Variants in NRG1 observed in about 807,000 individuals in gnomAD.
NRG1 encodes the protein neuregulin 1.
Under a neutral mutation model 63.8 loss-of-function variants are expected in NRG1, and 18 were observed. The observed-to-expected ratio is 0.28, with a 90% CI of 0.19 to 0.42. The LOEUF (loss-of-function observed/expected upper bound fraction) is 0.42, where lower values mean the gene tolerates loss of function less well. NRG1 is among the 10% of genes least tolerant of loss of function. The pLI is 1.00. For missense variants in NRG1, 762 were observed against 814.7 expected, an observed-to-expected ratio of 0.94 and a Z score of 0.79; for synonymous variants, 302 against 301.3, an observed-to-expected ratio of 1.00 and a Z score of -0.02.
In NRG1 at chr8:31,656,663, TTAAG is replaced by T. The variant is rs537591496; in HGVS notation, c.37+17234_37+17237del. Among the ~76,000 whole-genome samples, 200 of 152,284 alleles carry T rather than the reference TTAAG, an allele frequency of 1.3e-3. 1 individual carries two copies. The highest frequency in any genetic ancestry group is 2.4e-3 in the Non-Finnish European group (163 of 68,036). On this transcript the variant is annotated intron_variant, in intron 1 of 10. Coordinates refer to the NRG1 transcript ENST00000519301. ...ATTTTCAAAAAATCATCAAAATTGA[TTAAG>T]TGTTACTAACGTGTTGCTGAAGGTC... is the stretch of plus-strand genomic sequence containing the variant.
chr8:32,640,437 C>G (rs922138644), intron 5 of NRG1, among the ~76,000 whole-genome samples: 3 of 152,136 alleles, frequency 2.0e-5, no homozygotes, highest in Non-Finnish European at 2.9e-5. Flanking sequence ...CAGGCATGCT[C>G]TAGGTACTGG....
chr8:31,841,128 G>A (rs750392658), intron 1 of NRG1, among the ~76,000 whole-genome samples: 10 of 152,022 alleles, frequency 6.6e-5, no homozygotes, highest in Non-Finnish European at 1.2e-4. Flanking sequence ...GAATGTAGTT[G>A]GATCTCAAAA....
intron 1 of NRG1, among the ~76,000 whole-genome samples, chr8:31,989,273 A>AAAAAAAG (rs1810645976): frequency 6.9e-6 from 1 of 144,696 alleles, no homozygotes; most frequent in Non-Finnish European, 1.5e-5. Flanking sequence ...AAAAAAAAAA[A>AAAAAAAG]GAACAAAACA....
chr8:32,018,718 G>C (rs1815966283), intron 1 of NRG1, among the ~76,000 whole-genome samples: 1 of 152,166 alleles, frequency 6.6e-6, no homozygotes, highest in Non-Finnish European at 1.5e-5. Flanking sequence ...AAATAAAGTT[G>C]ATATAAGCAT....
chr8:32,042,633 G>T (rs1014451296), intron 1 of NRG1, among the ~76,000 whole-genome samples: 3 of 152,056 alleles, frequency 2.0e-5, no homozygotes, highest in Admixed American at 6.6e-5. Context: ...TTATTAAAAT[G>T]TTCCAATGAG....
At chr8:31,897,747 G>T (rs1273324965) in intron 1 of NRG1, among the ~76,000 whole-genome samples, 2 of 152,016 alleles carry the variant, frequency 1.3e-5, no homozygotes, top group African/African-American at 2.4e-5. Flanking sequence ...GGGCATAGTG[G>T]CTCATGCCTG....
intron 1 of NRG1, among the ~76,000 whole-genome samples, chr8:31,705,487 T>C (rs1227816548): frequency 6.6e-6 from 1 of 152,196 alleles, no homozygotes; most frequent in Non-Finnish European, 1.5e-5. Flanking sequence ...AGAGATAGGA[T>C]GAAAGTTGGA....
At chr8:31,873,958 T>C (rs1829706836) in intron 1 of NRG1, among the ~76,000 whole-genome samples, 1 of 152,202 alleles carries the variant, frequency 6.6e-6, no homozygotes, top group African/African-American at 2.4e-5. Context: ...ATTTTGCTTG[T>C]TCCTGTGCTC....
In NRG1 at chr8:32,306,106, T is replaced by A. The variant is rs376675710; in HGVS notation, c.38-289722T>A. On this transcript the variant is annotated intron_variant, in intron 1 of 10. Coordinates refer to the NRG1 transcript ENST00000519301. ...ATGACCCTTAACTCCCCTCAGCAAG[T>A]TTAAAAACAGGAAGTTTCCATTTCA... Among the ~76,000 whole-genome samples the A allele has an allele frequency of 1.5e-4, 23 of 152,270 alleles. 1 individual carries two copies. The highest frequency in any genetic ancestry group is 5.5e-4 in the African/African-American group (23 of 41,562).
At chr8:31,757,387 T>C (rs1364848752) in intron 1 of NRG1, among the ~76,000 whole-genome samples, 14 of 152,168 alleles carry the variant, frequency 9.2e-5, no homozygotes, top group Non-Finnish European at 2.1e-4. Flanking sequence ...TTTCAGATAA[T>C]GTAGAATTTG....
In NRG1 at chr8:32,723,724, G is replaced by T. The variant is rs574593346; in HGVS notation, c.503-4225G>T. On this transcript the variant is annotated intron_variant, in intron 5 of 11. Coordinates refer to ENST00000356819, the Ensembl canonical transcript of NRG1. The stretch of plus-strand genomic sequence containing the variant: ...AAAAAAAAAAAAAAAAAAAACAATT[G>T]TGGAAGGAGGTGAGGAAGGAAGGAC... Among the ~76,000 whole-genome samples the T allele has an allele frequency of 2.2e-4, 31 of 138,904 alleles. No individual in the cohort carries two copies. In the South Asian group the frequency reaches 5.0e-3, roughly 22 times the overall value. 91.1% of individuals were successfully genotyped at this position (138,904 alleles called of 152,430 possible).
chr8:31,739,823 A>C (rs907944573), intron 1 of NRG1, among the ~76,000 whole-genome samples: 1 of 152,096 alleles, frequency 6.6e-6, no homozygotes, highest in Non-Finnish European at 1.5e-5. Flanking sequence ...AAACTGCTAG[A>C]AAAGAAGCCA....
In NRG1 at chr8:32,053,304, G is replaced by A. The variant is rs115597195; in HGVS notation, c.37+413873G>A. ...TCAGGGCTAGTCAGAATACCAGGCC[G>A]ATACACGCTTCACAAGCATGTATTG... On this transcript the variant is annotated intron_variant, in intron 1 of 10. Coordinates refer to the NRG1 transcript ENST00000519301. Among the ~76,000 whole-genome samples the A allele has an allele frequency of 8.2e-3, 1,247 of 152,168 alleles. 19 individuals are homozygous for A. Among genetic ancestry groups the A allele is most frequent in the African/African-American group, 0.028 (1,183 of 41,524 alleles).
chr8:31,768,948 A>T (rs913165178), intron 1 of NRG1, among the ~76,000 whole-genome samples: 3 of 152,218 alleles, frequency 2.0e-5, no homozygotes, highest in African/African-American at 7.2e-5. Flanking sequence ...GTGTCTAACC[A>T]TGGAGTATCT....
chr8:31,805,852 A>G (rs1822228561), intron 1 of NRG1, among the ~76,000 whole-genome samples: 1 of 149,624 alleles, frequency 6.7e-6, no homozygotes, highest in South Asian at 2.1e-4. Context: ...AAAAAGATGA[A>G]GCGAATACCA....
intron 5 of NRG1, among the ~76,000 whole-genome samples, chr8:32,665,532 A>T (rs1351408952): frequency 6.6e-6 from 1 of 152,180 alleles, no homozygotes; most frequent in Non-Finnish European, 1.5e-5. Flanking sequence ...TGGCATACTC[A>T]ATTTGTAGCT....
intron 1 of NRG1, among the ~76,000 whole-genome samples, chr8:32,429,307 A>G (rs1331631771): frequency 6.6e-6 from 1 of 152,184 alleles, no homozygotes; most frequent in Non-Finnish European, 1.5e-5. Context: ...AATTGACCAA[A>G]GTTTGAAGGT....
At chr8:32,287,519 G>A (rs890891223) in intron 1 of NRG1, 2 of 152,192 alleles carry the variant, frequency 1.3e-5, no homozygotes, top group Admixed American at 1.3e-4. Flanking sequence ...TGTATCCATT[G>A]TTCTCCAAAG....
chr8:32,469,607 A>G (rs1273530115), intron 1 of NRG1, among the ~76,000 whole-genome samples: 1 of 152,184 alleles, frequency 6.6e-6, no homozygotes, highest in African/African-American at 2.4e-5. Flanking sequence ...AATAGAGACA[A>G]TCATTATAAA....
Sources: gnomAD v4.1 joint callset for allele counts (sites outside exome capture counted in the v4.1 genomes callset) on GRCh38, gnomAD v4.1.1 for gene constraint, MANE v1.5 for transcripts, NCBI Gene and HGNC (gene_info 2026-07-23, HGNC 2026-07-21) for gene names.